NRXN1: variants seen among roughly 807,000 people sequenced by gnomAD.
NRXN1 encodes the protein neurexin-1.
A neutral mutation model predicts 150.9 loss-of-function variants in NRXN1; 39 were observed. The ratio of observed to expected loss-of-function variants is 0.26; its 90% CI spans 0.20 to 0.34. The LOEUF (loss-of-function observed/expected upper bound fraction) is 0.34, where lower values mean the gene tolerates loss of function less well. Ranked by LOEUF, NRXN1 falls within the 10% of genes least tolerant of loss-of-function variation. The pLI is 1.00. For missense variants in NRXN1, 1,815 were observed against 1,949.9 expected, an observed-to-expected ratio of 0.93 and a Z score of 1.30; for synonymous variants, 924 against 757.0, an observed-to-expected ratio of 1.22 and a Z score of -3.62.
Position 50,314,554 on chromosome 2 carries a change from C to T in NRXN1, c.3365-77584G>A, listed in dbSNP as rs116627503. ...TTCCATATAATTATGGGTGCATTGA[C>T]ATCAATGATTTTCTGAGTTTATTTT... On this transcript the variant is annotated intron_variant, in intron 17 of 22. Coordinates refer to ENST00000401669, the MANE Select transcript of NRXN1 (RefSeq NM_001330078.2). 5.9e-3 allele frequency among the ~76,000 whole-genome samples: 889 copies of T among 151,956 alleles called. 5 individuals carry two copies. Among genetic ancestry groups the T allele is most frequent in the Non-Finnish European group, 9.6e-3 (653 of 67,940 alleles).
intron 5 of NRXN1, among the ~76,000 whole-genome samples, chr2:50,906,032 A>C (rs544932782): frequency 5.9e-5 from 9 of 152,272 alleles, no homozygotes; most frequent in East Asian, 1.9e-4. Flanking sequence ...GTACAGAGTC[A>C]AAGCTGGTTG....
Position 50,552,750 on chromosome 2 carries a change from G to T in NRXN1, c.1596C>A (p.His532Gln), listed in dbSNP as rs753739242. The T allele has an allele frequency of 6.2e-7, 1 of 1,613,788 alleles. No homozygotes were observed. The highest frequency in any genetic ancestry group is 1.3e-5 in the African/African-American group (1 of 74,904). ...GKPRHQKDAK[H>Q]PQMIKVDFFA... ...AGAAGTCCACCTTTATCATCTGTGG[G>T]TGCTTGGCATCTTTCTGATGTCTTG... The change falls in exon 9 of 23, where the codon CAC (histidine) becomes CAA (glutamine). Residue 532 changes from histidine to glutamine, a missense_variant. By Grantham distance (24) the His-to-Gln change is conservative. This residue lies in a region of NRXN1 where 638 missense variants were observed against 652.6 expected (regional missense o/e 0.98). Coordinates refer to ENST00000401669, the MANE Select transcript of NRXN1 (RefSeq NM_001330078.2).
At chr2:50,103,665 T>C (rs1326929688) in intron 18 of NRXN1, among the ~76,000 whole-genome samples, 3 of 152,170 alleles carry the variant, frequency 2.0e-5, no homozygotes, top group East Asian at 3.9e-4. Flanking sequence ...AAGTAACTCA[T>C]GGACGTTTTG....
chr2:50,035,373 C>T (rs966384337), intron 21 of NRXN1, among the ~76,000 whole-genome samples: 5 of 151,998 alleles, frequency 3.3e-5, no homozygotes, highest in African/African-American at 1.2e-4. Flanking sequence ...GTAGTATTTT[C>T]TGTGTGTGTC....
intron 18 of NRXN1, among the ~76,000 whole-genome samples, chr2:50,105,047 T>C (rs1701452415): frequency 6.6e-6 from 1 of 152,018 alleles, no homozygotes; most frequent in African/African-American, 2.4e-5. Context: ...TCTAGTTACA[T>C]TCAATCCAGG....
intron 18 of NRXN1, among the ~76,000 whole-genome samples, chr2:50,175,926 A>C (rs1224429364): frequency 6.6e-6 from 1 of 152,116 alleles, no homozygotes; most frequent in Non-Finnish European, 1.5e-5. Flanking sequence ...CAGAAGAAAA[A>C]GCCATGAGGT....
chr2:50,745,859 C>G (rs1396875332), intron 5 of NRXN1, among the ~76,000 whole-genome samples: 1 of 152,104 alleles, frequency 6.6e-6, no homozygotes. Context: ...CCTTTCATCA[C>G]ACGTGGGGAT....
chr2:50,320,285 TA>T (rs1558518805), intron 17 of NRXN1, among the ~76,000 whole-genome samples: 881 of 57,656 alleles, frequency 0.015, 44 homozygotes, highest in African/African-American at 0.052. Context: ...ACCTCAATCA[TA>T]TATATATATA....
At chr2:50,619,985 A>G in intron 8 of NRXN1, 37 bp downstream of exon 8, 1 of 1,516,254 alleles carries the variant, frequency 6.6e-7, no homozygotes, top group Non-Finnish European at 8.9e-7. Flanking sequence ...TGATGAGACC[A>G]TGAATTAGGA....
rs1262668637 is a variant in NRXN1 at position 49,919,389 on chromosome 2, G to GTAAC, written c.*2551_*2554dup. On this transcript the variant is annotated 3_prime_UTR_variant, in exon 23 of 23. Coordinates refer to ENST00000401669, the MANE Select transcript of NRXN1 (RefSeq NM_001330078.2). The stretch of plus-strand genomic sequence containing the variant: ...TAATAAACTATATCAATCATTGCAT[G>GTAAC]TAACTTTAAAATTTACGCTGGGGAG... 1 of 151,982 alleles carries GTAAC rather than the reference G, an allele frequency of 6.6e-6. No individual in the cohort carries two copies. The highest frequency in any genetic ancestry group is 1.5e-5 in the Non-Finnish European group (1 of 67,946). 9.4% of individuals were successfully genotyped at this position (151,982 alleles called of 1,614,324 possible). A position where few individuals can be genotyped will look rare whatever the true frequency, so the allele number is the denominator to read the frequency against.
At chr2:50,659,582 C>A (rs1185395668) in intron 5 of NRXN1, among the ~76,000 whole-genome samples, 7 of 151,634 alleles carry the variant, frequency 4.6e-5, no homozygotes, top group Admixed American at 6.6e-5. Context: ...TTATAAATTT[C>A]TTTACATTTA....
At chr2:50,338,764 A>G (rs1022421167) in intron 17 of NRXN1, among the ~76,000 whole-genome samples, 9 of 151,888 alleles carry the variant, frequency 5.9e-5, no homozygotes, top group African/African-American at 2.2e-4. Flanking sequence ...AAATGTGCTC[A>G]TCGGTTACTG....
intron 18 of NRXN1, among the ~76,000 whole-genome samples, chr2:50,191,069 C>T (rs1178508166): frequency 6.6e-6 from 1 of 152,094 alleles, no homozygotes; most frequent in African/African-American, 2.4e-5. Flanking sequence ...CACTCTGTGG[C>T]CCAGGCTGGA....
chr2:50,603,798 T>C (rs973796418), intron 8 of NRXN1, among the ~76,000 whole-genome samples: 3 of 152,134 alleles, frequency 2.0e-5, no homozygotes, highest in Non-Finnish European at 4.4e-5. Context: ...CTCATAGAAG[T>C]TGAATAAAAT....
At chr2:49,937,180 C>A (rs928095209) in intron 22 of NRXN1, among the ~76,000 whole-genome samples, 4 of 152,160 alleles carry the variant, frequency 2.6e-5, no homozygotes, top group African/African-American at 9.7e-5. Context: ...AAAACTATCC[C>A]CCTGTCATGA....
At chr2:50,571,500 T>G (rs1670655529) in intron 8 of NRXN1, among the ~76,000 whole-genome samples, 1 of 152,186 alleles carries the variant, frequency 6.6e-6, no homozygotes, top group African/African-American at 2.4e-5. Context: ...GTCCTTGTTG[T>G]TTCTTGATTC....
intron 8 of NRXN1, among the ~76,000 whole-genome samples, chr2:50,579,676 G>A (rs761892172): frequency 6.6e-6 from 1 of 152,206 alleles, no homozygotes; most frequent in Admixed American, 6.5e-5. Flanking sequence ...TATATATTTT[G>A]GAGTGTGAGT....
At chr2:50,513,552 T>C (rs2092533633) in intron 12 of NRXN1, among the ~76,000 whole-genome samples, 1 of 152,160 alleles carries the variant, frequency 6.6e-6, no homozygotes, top group Non-Finnish European at 1.5e-5. Context: ...AATAACGACA[T>C]GCTTAATCTT....
At chr2:50,689,530 C>T (rs1691742125) in intron 5 of NRXN1, among the ~76,000 whole-genome samples, 2 of 152,274 alleles carry the variant, frequency 1.3e-5, no homozygotes, top group Admixed American at 6.5e-5. Flanking sequence ...CTCTTTGAAG[C>T]TATCTGGATT....
Sources: gnomAD v4.1 joint callset for allele counts (sites outside exome capture counted in the v4.1 genomes callset) on GRCh38, gnomAD v4.1.1 for gene constraint, gnomAD v4.1.1 regional missense constraint, MANE v1.5 for transcripts, NCBI Gene and HGNC (gene_info 2026-07-23, HGNC 2026-07-21) for gene names.